The following PTPRE variants were observed in gnomAD, a reference collection of about 807,000 sequenced individuals.
PTPRE encodes the protein protein tyrosine phosphatase receptor type E.
In PTPRE, 51 loss-of-function variants were observed where a neutral mutation model predicts 102.0. The observed-to-expected ratio is 0.50, with a 90% CI of 0.40 to 0.63. PTPRE has a LOEUF of 0.63. PTPRE is among the 30% of genes least tolerant of loss of function. The probability of loss-of-function intolerance (pLI) is 0.00; values close to 1 mark genes in which losing one functional copy is unlikely to be tolerated. For synonymous variants in PTPRE, 345 were observed against 348.2 expected (o/e 0.99, Z 0.10); for missense variants, 752 against 915.1 (o/e 0.82, Z 2.30).
Position 128,047,413 on chromosome 10 carries a change from C to G in PTPRE, c.133C>G (p.Gln45Glu). Residue 45 changes from glutamine (Q) to glutamate (E), a missense_variant, in exon 4 of 21, where the codon CAG becomes GAG. By Grantham distance (29) the Gln-to-Glu change is conservative. This residue lies in a region of PTPRE where 116 missense variants were observed against 90.8 expected (regional missense o/e 1.28). Transcript: ENST00000254667. ...AGGCCCTCCGGACCCGGGCGCCTCC[C>G]AGCCGCTGCTGGCCTGGCTGCTACT... The part of the protein sequence containing the change: ...TSGPPDPGAS[Q>E]PLLAWLLLPL... 6.2e-7 allele frequency: 1 copy of G among 1,613,158 alleles called. No homozygotes were observed. Among genetic ancestry groups the G allele is most frequent in the Non-Finnish European group, 8.5e-7 (1 of 1,179,960 alleles).
chr10:128,012,526 C>T (rs1432467511), intron 2 of PTPRE, among the ~76,000 whole-genome samples: 1 of 152,188 alleles, frequency 6.6e-6, no homozygotes, highest in Non-Finnish European at 1.5e-5. Flanking sequence ...GAGAGAGGCT[C>T]ATGCCATCAG....
In PTPRE at chr10:127,944,638, T is replaced by G. The variant is rs34587351; in HGVS notation, c.-31+37329T>G. On this transcript the variant is annotated intron_variant, in intron 1 of 20. Coordinates refer to ENST00000254667, the MANE Select transcript of PTPRE (RefSeq NM_006504.6). The surrounding 1 kb of genome is among the most constrained non-coding windows in gnomAD (Gnocchi z 4.2). ...CTGGATCATGAAGGCCCTATAAGGATTTTGCACATAATAGAAGGTCATTTG... is the reference window on the plus strand; with the variant it reads ...CTGGATCATGAAGGCCCTATAAGGAGTTTGCACATAATAGAAGGTCATTTG... Among the ~76,000 whole-genome samples the G allele has an allele frequency of 0.32, 48,784 of 151,898 alleles. 8,201 individuals are homozygous for G. Among genetic ancestry groups the G allele is most frequent in the East Asian group, 0.42 (2,157 of 5,144 alleles).
chr10:127,929,479 C>T (rs1847259783), intron 1 of PTPRE: 1 of 152,170 alleles, frequency 6.6e-6, no homozygotes, highest in Non-Finnish European at 1.5e-5. Context: ...TCTACCTGGT[C>T]CAGGTACAGA....
chr10:127,972,103 G>A (rs1850790152), intron 1 of PTPRE, among the ~76,000 whole-genome samples: 1 of 152,166 alleles, frequency 6.6e-6, no homozygotes, highest in African/African-American at 2.4e-5. Flanking sequence ...AAGCCATGAT[G>A]CTGCCTGACC....
At chr10:127,994,345 C>T (rs553125898) in intron 2 of PTPRE, among the ~76,000 whole-genome samples, 26 of 152,180 alleles carry the variant, frequency 1.7e-4, no homozygotes, top group South Asian at 8.3e-4. Flanking sequence ...GTTACCTATC[C>T]AACTTCCAGC....
intron 1 of PTPRE, among the ~76,000 whole-genome samples, chr10:127,979,379 T>C (rs1819559730): frequency 6.6e-6 from 1 of 152,240 alleles, no homozygotes; most frequent in Non-Finnish European, 1.5e-5. Context: ...GTTGGCCTAA[T>C]GGAAGTCTTC....
At chr10:127,947,755 G>A (rs560229177) in intron 1 of PTPRE, among the ~76,000 whole-genome samples, 1 of 152,278 alleles carries the variant, frequency 6.6e-6, no homozygotes, top group South Asian at 2.1e-4. Context: ...GAGCACATGA[G>A]CTCAAGAAAA....
chr10:127,914,321 C>G (rs559875594), intron 1 of PTPRE, among the ~76,000 whole-genome samples: 1 of 152,286 alleles, frequency 6.6e-6, no homozygotes, highest in East Asian at 1.9e-4. Flanking sequence ...TCAGGTATTC[C>G]TTTATTGCAA....
chr10:128,073,631 T>G (rs1385121674), intron 17 of PTPRE, among the ~76,000 whole-genome samples, 160 bp downstream of exon 17: 1 of 152,212 alleles, frequency 6.6e-6, no homozygotes, highest in African/African-American at 2.4e-5. Flanking sequence ...TGAAAAAGGT[T>G]TCATTTCACC....
chr10:127,963,004 A>C (rs1250404147), intron 1 of PTPRE, among the ~76,000 whole-genome samples: 2 of 152,170 alleles, frequency 1.3e-5, no homozygotes, highest in African/African-American at 4.8e-5. Context: ...ACCTGGGTCT[A>C]TAGGCCTTGA....
intron 19 of PTPRE, among the ~76,000 whole-genome samples, chr10:128,078,624 G>A (rs1047288454): frequency 1.7e-4 from 26 of 152,320 alleles, no homozygotes; most frequent in African/African-American, 6.3e-4. Flanking sequence ...CTTATAGCTG[G>A]CAGAGCTCTC....
intron 3 of PTPRE, among the ~76,000 whole-genome samples, chr10:128,041,224 A>G (rs1847665306): frequency 6.6e-6 from 1 of 152,192 alleles, no homozygotes; most frequent in African/African-American, 2.4e-5. Context: ...ACCCCAGCTG[A>G]GAGTCAGGGT....
intron 1 of PTPRE, among the ~76,000 whole-genome samples, chr10:127,913,736 G>A (rs181532621): frequency 6.6e-6 from 1 of 152,154 alleles, no homozygotes; most frequent in African/African-American, 2.4e-5. Context: ...GCAGGTTCCC[G>A]GTGAAACTCT....
chr10:127,999,552 G>A (rs184611277), intron 2 of PTPRE: 28 of 985,404 alleles, frequency 2.8e-5, no homozygotes, highest in Middle Eastern at 1.0e-3. Flanking sequence ...ACCCAGCTGG[G>A]ACTGCTGACT....
chr10:128,012,766 C>T (rs1845124630), intron 2 of PTPRE, among the ~76,000 whole-genome samples: 2 of 152,168 alleles, frequency 1.3e-5, no homozygotes, highest in African/African-American at 4.8e-5. Context: ...CAGCCACTCC[C>T]CACAACCCTA....
rs370811687 is a variant in PTPRE, at chr10:128,059,537, A to T, written c.512-1402A>T. 1.7e-3 allele frequency among the ~76,000 whole-genome samples: 262 copies of T among 152,312 alleles called. 1 individual carries two copies. The highest frequency in any genetic ancestry group is 5.9e-3 in the African/African-American group (247 of 41,572). On this transcript the variant is annotated intron_variant, in intron 7 of 20. Transcript: ENST00000254667. Reference sequence around the variant, plus strand: ...AACCCACCCTGATCAGAGACTAAGCAGAGAAAGCAGGGAGAGGACCTAGAG... The same window carrying T: ...AACCCACCCTGATCAGAGACTAAGCTGAGAAAGCAGGGAGAGGACCTAGAG...
At chr10:127,985,557 C>A (rs1184996771) in intron 2 of PTPRE, among the ~76,000 whole-genome samples, 1 of 151,826 alleles carries the variant, frequency 6.6e-6, no homozygotes, top group African/African-American at 2.4e-5. Flanking sequence ...GCACTCCAGC[C>A]TCCATGACAG....
chr10:127,998,049 T>C (rs1213261179), intron 2 of PTPRE: 1 of 152,166 alleles, frequency 6.6e-6, no homozygotes, highest in Non-Finnish European at 1.5e-5. Context: ...TGGGAAGCAG[T>C]CGAACACACA....
intron 1 of PTPRE, among the ~76,000 whole-genome samples, chr10:127,920,814 A>G (rs1846542311): frequency 1.3e-5 from 2 of 152,234 alleles, no homozygotes; most frequent in Admixed American, 6.5e-5. Flanking sequence ...CCACATGGCC[A>G]GATGTTGCCA....
Sources: gnomAD v4.1 joint callset for allele counts (sites outside exome capture counted in the v4.1 genomes callset) on GRCh38, gnomAD v4.1.1 for gene constraint, gnomAD v4.1.1 regional missense constraint, Gnocchi (gnomAD v3.1) non-coding constraint, MANE v1.5 for transcripts, NCBI Gene and HGNC (gene_info 2026-07-23, HGNC 2026-07-21) for gene names.